TRHDE: variants seen among roughly 807,000 people sequenced by gnomAD.
The protein encoded by TRHDE is thyrotropin-releasing hormone-degrading ectoenzyme.
In TRHDE, 72 loss-of-function variants were observed where a neutral mutation model predicts 125.7. The ratio of observed to expected loss-of-function variants is 0.57; its 90% CI spans 0.47 to 0.70. TRHDE has a LOEUF of 0.70. Ranked by LOEUF, TRHDE falls within the 30% of genes least tolerant of loss-of-function variation. The pLI, the probability that TRHDE is intolerant of heterozygous loss-of-function variation, is 0.00. For synonymous variants in TRHDE, 509 were observed against 509.1 expected, an observed-to-expected ratio of 1.00 and a Z score of 0.00; for missense variants, 1,110 against 1,327.1, an observed-to-expected ratio of 0.84 and a Z score of 2.54.
In TRHDE at chr12:72,144,598, A is replaced by G. The variant is rs367958896; in HGVS notation, n.279+38846A>G. Among the ~76,000 whole-genome samples the G allele has an allele frequency of 4.8e-4, 73 of 152,254 alleles. No individual in the cohort carries two copies. In the South Asian group the frequency reaches 8.5e-3, roughly 18 times the overall value. On this transcript the variant is annotated intron_variant and non_coding_transcript_variant, in intron 2 of 4. Transcript: ENST00000548156. ...ACTAGCTTCCTTGTAAATGCTCACCATCAAGATTTTCATTGTTTTCCATGA... is the reference window on the plus strand; with the variant it reads ...ACTAGCTTCCTTGTAAATGCTCACCGTCAAGATTTTCATTGTTTTCCATGA...
At chr12:72,102,108 G>A (rs1362890986) in intron 1 of TRHDE, among the ~76,000 whole-genome samples, 1 of 152,114 alleles carries the variant, frequency 6.6e-6, no homozygotes, top group Non-Finnish European at 1.5e-5. Flanking sequence ...ACACAATTGG[G>A]AGTGTAGAGA....
intron 2 of TRHDE, among the ~76,000 whole-genome samples, chr12:72,120,926 A>G (rs59901213): frequency 6.6e-6 from 1 of 151,372 alleles, no homozygotes; most frequent in African/African-American, 2.4e-5. Context: ...GGTCTGCCCC[A>G]CTCAGCCTCC....
At chr12:72,330,344 C>A (rs1427345446) in intron 2 of TRHDE, among the ~76,000 whole-genome samples, 6 of 141,074 alleles carry the variant, frequency 4.3e-5, no homozygotes, top group Non-Finnish European at 9.3e-5. Flanking sequence ...AAAAAAAAAA[C>A]CAAAACCATA....
At chr12:72,603,813 GA>G (rs1332238975) in intron 12 of TRHDE, among the ~76,000 whole-genome samples, 12 of 152,082 alleles carry the variant, frequency 7.9e-5, no homozygotes, top group African/African-American at 2.9e-4. Context: ...TGTGTTTTAG[GA>G]AAGAAATCTC....
At chr12:72,559,432 G>A (rs1409702814) in intron 7 of TRHDE, among the ~76,000 whole-genome samples, 1 of 152,168 alleles carries the variant, frequency 6.6e-6, no homozygotes, top group Non-Finnish European at 1.5e-5. Context: ...TCTTGTTACT[G>A]CATTTTAAAC....
chr12:72,214,862 A>T (rs1877852564), intron 2 of TRHDE, among the ~76,000 whole-genome samples: 1 of 152,182 alleles, frequency 6.6e-6, no homozygotes, highest in Admixed American at 6.5e-5. Context: ...GTTTATATAT[A>T]TATTCTCCTG....
At chr12:72,139,431 T>C (rs1457583440) in intron 2 of TRHDE, among the ~76,000 whole-genome samples, 1 of 152,224 alleles carries the variant, frequency 6.6e-6, no homozygotes, top group Non-Finnish European at 1.5e-5. Flanking sequence ...TATCAAAGTA[T>C]ATGTTTTATG....
At chr12:72,488,911 A>G (rs192075985) in intron 5 of TRHDE, among the ~76,000 whole-genome samples, 1 of 152,094 alleles carries the variant, frequency 6.6e-6, no homozygotes, top group Non-Finnish European at 1.5e-5. Flanking sequence ...CCAATGGGGC[A>G]AAGAAGAAAT....
intron 3 of TRHDE, among the ~76,000 whole-genome samples, chr12:72,446,501 C>T (rs985724475): frequency 6.6e-6 from 1 of 152,046 alleles, no homozygotes; most frequent in Admixed American, 6.6e-5. Flanking sequence ...CAAATTCACA[C>T]ATAACAATAT....
intron 2 of TRHDE, chr12:72,186,336 C>T (rs558828648): frequency 3.4e-4 from 53 of 156,108 alleles, no homozygotes; most frequent in African/African-American, 1.1e-3. Context: ...CTCCTGAGCC[C>T]AGCGAGACCA....
intron 2 of TRHDE, chr12:72,303,151 A>G (rs1330951610): frequency 1.3e-5 from 2 of 152,102 alleles, no homozygotes; most frequent in Non-Finnish European, 2.9e-5. Flanking sequence ...ACTAATCTCT[A>G]TTTACTTCTC....
chr12:72,639,857 C>T (rs907126102), intron 15 of TRHDE, among the ~76,000 whole-genome samples: 6 of 152,252 alleles, frequency 3.9e-5, no homozygotes, highest in South Asian at 4.1e-4. Context: ...GCAGTCTGCC[C>T]GTTCTCAGAT....
intron 1 of TRHDE, among the ~76,000 whole-genome samples, chr12:72,101,382 G>A (rs1303041003): frequency 2.6e-5 from 4 of 152,176 alleles, no homozygotes; most frequent in African/African-American, 9.7e-5. Context: ...AGAGTGAGTG[G>A]CTGCTTTGAG....
intron 1 of TRHDE, among the ~76,000 whole-genome samples, chr12:72,088,070 T>C (rs1013471039): frequency 6.6e-6 from 1 of 152,106 alleles, no homozygotes; most frequent in African/African-American, 2.4e-5. Flanking sequence ...AGAAGGTTAT[T>C]TGAGGGACAA....
chr12:72,378,303 G>A (rs1480172563), intron 3 of TRHDE, among the ~76,000 whole-genome samples, 182 bp downstream of exon 3: 1 of 152,110 alleles, frequency 6.6e-6, no homozygotes, highest in Non-Finnish European at 1.5e-5. Context: ...CTGGAATCTT[G>A]CCAATAAGTG....
intron 12 of TRHDE, among the ~76,000 whole-genome samples, chr12:72,584,800 T>C (rs192173320): frequency 6.6e-6 from 1 of 152,340 alleles, no homozygotes; most frequent in East Asian, 1.9e-4. Flanking sequence ...GTTCATCCAT[T>C]GATAGAAACT....
intron 2 of TRHDE, among the ~76,000 whole-genome samples, chr12:72,246,877 C>T (rs1216878976): frequency 6.6e-6 from 1 of 152,192 alleles, no homozygotes; most frequent in African/African-American, 2.4e-5. Flanking sequence ...GGTGCAGGAA[C>T]ATTTGTCAGT....
chr12:72,276,419 G>A (rs114548463), intron 1 of TRHDE, among the ~76,000 whole-genome samples: 2,188 of 152,314 alleles, frequency 0.014, 48 homozygotes, highest in African/African-American at 0.05. Context: ...CTACAGTGCA[G>A]TCCACTTCTC....
At chr12:72,372,817 G>A (rs909358878) in intron 2 of TRHDE, among the ~76,000 whole-genome samples, 14 of 152,154 alleles carry the variant, frequency 9.2e-5, no homozygotes, top group Non-Finnish European at 2.1e-4. Context: ...TTGAAGTCAG[G>A]TAGCGTGATG....
Sources: gnomAD v4.1 joint callset for allele counts (sites outside exome capture counted in the v4.1 genomes callset) on GRCh38, gnomAD v4.1.1 for gene constraint, MANE v1.5 for transcripts, NCBI Gene and HGNC (gene_info 2026-07-23, HGNC 2026-07-21) for gene names.